SLC9C2: variants seen among roughly 807,000 people sequenced by gnomAD.
SLC9C2 encodes solute carrier family 9 member C2 (putative).
Under a neutral mutation model 140.2 loss-of-function variants are expected in SLC9C2, and 75 were observed. The observed-to-expected ratio is 0.53, with a 90% CI of 0.44 to 0.65. The LOEUF is 0.65. Among genes scored for constraint, SLC9C2 ranks in the 30% least tolerant of loss-of-function variants. The pLI, the probability that SLC9C2 is intolerant of heterozygous loss-of-function variation, is 0.00. For missense variants in SLC9C2, 1,074 were observed against 1,331.8 expected, an observed-to-expected ratio of 0.81 and a Z score of 3.01; for synonymous variants, 375 against 420.9, an observed-to-expected ratio of 0.89 and a Z score of 1.34.
chr1:173,575,706 A>G (rs1305353624), intron 8 of SLC9C2, among the ~76,000 whole-genome samples: 1 of 152,020 alleles, frequency 6.6e-6, no homozygotes, highest in African/African-American at 2.4e-5. Context: ...CCTCCCAAGT[A>G]GCTGGGACTA....
At chr1:173,598,164 G>T in intron 3 of SLC9C2, 132 bp from the exon 4 acceptor site, 1 of 929,948 alleles carries the variant, frequency 1.1e-6, no homozygotes, top group Non-Finnish European at 1.6e-6. Flanking sequence ...ATCTACAAGG[G>T]CAGTCCTAAG....
intron 13 of SLC9C2, among the ~76,000 whole-genome samples, chr1:173,538,019 A>C (rs1365299104): frequency 6.6e-6 from 1 of 152,220 alleles, no homozygotes; most frequent in East Asian, 1.9e-4. Context: ...GAGGGATGAT[A>C]GTCATTTCAG....
intron 4 of SLC9C2, among the ~76,000 whole-genome samples, chr1:173,592,576 C>T (rs937210283): frequency 1.7e-4 from 26 of 152,058 alleles, no homozygotes; most frequent in African/African-American, 5.8e-4. Context: ...CTTTCACCTC[C>T]CTGGTAAGCT....
chr1:173,523,922 G>C (rs771941998), intron 21 of SLC9C2, 47 bp downstream of exon 21: 1 of 1,574,954 alleles, frequency 6.3e-7, no homozygotes, highest in Non-Finnish European at 8.6e-7. Flanking sequence ...GAAAAAAATG[G>C]ATAATTACCA....
chr1:173,584,902 T>C (rs1665761505), intron 5 of SLC9C2, among the ~76,000 whole-genome samples: 1 of 152,190 alleles, frequency 6.6e-6, no homozygotes, highest in Non-Finnish European at 1.5e-5. Context: ...TCAAGCTCTC[T>C]CCACCTTCTC....
At chr1:173,576,169 G>A (rs1264297889) in intron 8 of SLC9C2, among the ~76,000 whole-genome samples, 1 of 152,144 alleles carries the variant, frequency 6.6e-6, no homozygotes, top group African/African-American at 2.4e-5. Context: ...GTCTTTCAGA[G>A]AAAGGCTAAC....
rs1355207129 is a variant in SLC9C2 at position 173,581,974 on chromosome 1, A to T, written c.675T>A (p.Ile225=). 1.3e-6 allele frequency: 2 copies of T among 1,596,894 alleles called. No individual in the cohort carries two copies. Among genetic ancestry groups the T allele is most frequent in the Admixed American group, 1.7e-5 (1 of 59,288 alleles). ...LHVGIELSYD[I]LGSIIFGYWC... ...AATATCCAAATATTATGCTTCCCAA[A>T]ATGTCATAGCTGAGTTCAATGCCTA... The change falls in exon 7 of 28, where the codon ATT becomes ATA. Residue 225 remains isoleucine (I), a synonymous_variant. Transcript: ENST00000367714.
chr1:173,539,643 G>A (rs1039000233), intron 13 of SLC9C2, among the ~76,000 whole-genome samples: 3 of 152,158 alleles, frequency 2.0e-5, no homozygotes, highest in African/African-American at 7.2e-5. Context: ...TTAAAATCAT[G>A]AGTGTAGCTG....
intron 27 of SLC9C2, among the ~76,000 whole-genome samples, chr1:173,501,803 T>C (rs1174012007): frequency 6.6e-6 from 1 of 152,142 alleles, no homozygotes; most frequent in African/African-American, 2.4e-5. Flanking sequence ...AGAACCAAGT[T>C]ACCTGGTTTA....
chr1:173,557,438 C>G lies in SLC9C2; in HGVS notation c.1117G>C (p.Val373Leu). 6.2e-7 allele frequency: 1 copy of G among 1,613,878 alleles called. No individual in the cohort carries two copies. Among genetic ancestry groups the G allele is most frequent in the Admixed American group, 1.7e-5 (1 of 60,014 alleles). Residue 373 changes from valine (V) to leucine (L), a missense_variant, in exon 10 of 28, where the codon GTT becomes CTT. By Grantham distance (32) the Val-to-Leu change is conservative. Coordinates refer to ENST00000367714, the MANE Select transcript of SLC9C2 (RefSeq NM_178527.4). ...TTAATTCCAGACCACGTGATTACAACTCCCCATCGCCAATTATATTCATAA... is the reference window on the plus strand; with the variant it reads ...TTAATTCCAGACCACGTGATTACAAGTCCCCATCGCCAATTATATTCATAA... ...SNYEYNWRWG[V>L]VITWSGIKGV...
chr1:173,577,541 G>C (rs1215932850), intron 7 of SLC9C2, among the ~76,000 whole-genome samples: 1 of 152,160 alleles, frequency 6.6e-6, no homozygotes, highest in East Asian at 1.9e-4. Flanking sequence ...CAGACAGAAA[G>C]GAAGACAAAG....
At chr1:173,501,597 G>A (rs1342303956) in intron 27 of SLC9C2, among the ~76,000 whole-genome samples, 6 of 135,358 alleles carry the variant, frequency 4.4e-5, no homozygotes, top group Non-Finnish European at 9.2e-5. Flanking sequence ...TGCAACCTCC[G>A]CCTCCCAGGT....
chr1:173,530,033 T>C lies in SLC9C2; in HGVS notation c.2185A>G (p.Arg729Gly), dbSNP rs2101981132. Reference protein sequence around the residue: ...LFKIIVPILIRIADVQIKKRL... With the variant: ...LFKIIVPILIGIADVQIKKRL... ...TTTTTGATCTGCACATCTGCAATTCTTATCAGTATTGGTACTATTATCTGG... is the reference window on the plus strand; with the variant it reads ...TTTTTGATCTGCACATCTGCAATTCCTATCAGTATTGGTACTATTATCTGG... The change falls in exon 18 of 28, where the codon AGA (arginine) becomes GGA (glycine). Residue 729 changes from arginine to glycine, a missense_variant. By Grantham distance (125) the Arg-to-Gly change is moderately radical (BLOSUM62 -2). Coordinates refer to ENST00000367714, the MANE Select transcript of SLC9C2 (RefSeq NM_178527.4). 6.2e-7 allele frequency: 1 copy of C among 1,610,970 alleles called. No homozygotes were observed. Among genetic ancestry groups the C allele is most frequent in the South Asian group, 1.1e-5 (1 of 90,304 alleles).
At chr1:173,528,090 C>A (rs923758426) in intron 18 of SLC9C2, among the ~76,000 whole-genome samples, 6 of 152,090 alleles carry the variant, frequency 3.9e-5, no homozygotes, top group African/African-American at 1.4e-4. Flanking sequence ...TCTAGAACGC[C>A]TTTGCACAAA....
chr1:173,551,679 A>G (rs968915392), intron 11 of SLC9C2, among the ~76,000 whole-genome samples: 2 of 152,198 alleles, frequency 1.3e-5, no homozygotes, highest in Non-Finnish European at 2.9e-5. Context: ...CACATAGGAC[A>G]ACAATCAGTA....
chr1:173,539,560 C>T (rs1192500340), intron 13 of SLC9C2, among the ~76,000 whole-genome samples: 1 of 152,110 alleles, frequency 6.6e-6, no homozygotes, highest in Non-Finnish European at 1.5e-5. Context: ...CCACTGGATT[C>T]ATGAGTCTAA....
chr1:173,573,668 C>T (rs1160329229), intron 8 of SLC9C2, among the ~76,000 whole-genome samples: 5 of 152,180 alleles, frequency 3.3e-5, no homozygotes, highest in African/African-American at 2.4e-5. Flanking sequence ...CTGCTAAACC[C>T]GGAGTTGTAG....
At chr1:173,573,097 T>C (rs1247176466) in intron 9 of SLC9C2, 85 bp downstream of exon 9, 1 of 994,534 alleles carries the variant, frequency 1.0e-6, no homozygotes, top group African/African-American at 1.7e-5. Flanking sequence ...CAGAGCCCTT[T>C]TTGCTGTATG....
intron 5 of SLC9C2, among the ~76,000 whole-genome samples, chr1:173,584,934 A>G (rs1665762698): frequency 6.6e-6 from 1 of 152,100 alleles, no homozygotes; most frequent in Admixed American, 6.5e-5. Flanking sequence ...TGTGGACCTA[A>G]TTTATATTAG....
Sources: allele counts gnomAD v4.1 joint callset (sites outside exome capture counted in the v4.1 genomes callset), GRCh38; gene constraint gnomAD v4.1.1; transcripts MANE v1.5; gene names NCBI Gene and HGNC (gene_info 2026-07-23, HGNC 2026-07-21).